LIPG: variants seen among roughly 807,000 people sequenced by gnomAD.
The protein encoded by LIPG is lipase G, endothelial type.
LIPG carries 34 observed loss-of-function variants against 51.8 expected under a neutral mutation model. That is an observed-to-expected ratio of 0.66 (90% CI 0.50 to 0.87). The LOEUF (loss-of-function observed/expected upper bound fraction) is 0.87, where lower values mean the gene tolerates loss of function less well. Ranked by LOEUF, LIPG falls within the 40% of genes least tolerant of loss-of-function variation. The pLI is 0.00. For missense variants in LIPG, 580 were observed against 652.7 expected (o/e 0.89, Z 1.21); for synonymous variants, 246 against 246.1 (o/e 1.00, Z 0.00).
chr18:49,566,401 G>A (rs1294852587), intron 2 of LIPG, among the ~76,000 whole-genome samples: 1 of 152,160 alleles, frequency 6.6e-6, no homozygotes, highest in Non-Finnish European at 1.5e-5. Flanking sequence ...CGACTTACAA[G>A]TAGGTTGCAT....
Position 49,592,708 on chromosome 18 carries a change from G to C in LIPG, c.*2186G>C, listed in dbSNP as rs1194091960. On this transcript the variant is annotated 3_prime_UTR_variant, in exon 10 of 10. Transcript: ENST00000261292. ...GGAAGCTTTGCAAATTGAATTCTCA[G>C]TGAGTTGTATATTTATACACCTGGC... 1 of 152,096 alleles carries C rather than the reference G, an allele frequency of 6.6e-6. No homozygotes were observed. The highest frequency in any genetic ancestry group is 1.5e-5 in the Non-Finnish European group (1 of 68,058). The allele number at this position is 152,096 out of a possible 1,614,324, so 9.4% of individuals were successfully genotyped here.
intron 3 of LIPG, among the ~76,000 whole-genome samples, chr18:49,568,953 A>T (rs1460268805): frequency 6.6e-6 from 1 of 152,116 alleles, no homozygotes; most frequent in African/African-American, 2.4e-5. Context: ...ACAGGGGACA[A>T]TGCGTCAAGT....
chr18:49,568,463 C>T (rs943731575), intron 3 of LIPG, among the ~76,000 whole-genome samples: 2 of 152,148 alleles, frequency 1.3e-5, no homozygotes, highest in Non-Finnish European at 2.9e-5. Context: ...TCACTGCAAC[C>T]TCTACCTCCT....
At chr18:49,564,626 A>G (rs1363405782) in intron 1 of LIPG, among the ~76,000 whole-genome samples, 1 of 152,222 alleles carries the variant, frequency 6.6e-6, no homozygotes, top group East Asian at 1.9e-4. Flanking sequence ...GGGGAAGCCT[A>G]TTTTCCAGCA....
chr18:49,589,188 C>A (rs2084915675), intron 9 of LIPG, among the ~76,000 whole-genome samples: 1 of 152,104 alleles, frequency 6.6e-6, no homozygotes, highest in South Asian at 2.1e-4. Flanking sequence ...TGTGATTAAC[C>A]ATTTGCCACC....
Position 49,565,614 on chromosome 18 carries a change from G to A in LIPG, c.279+116G>A, listed in dbSNP as rs754206171. 2.5e-6 allele frequency: 3 copies of A among 1,181,442 alleles called. No homozygotes were observed. The African/African-American group carries it at 4.5e-5, about 18-fold the overall frequency. The allele number at this position is 1,181,442 out of a possible 1,614,324, so 73.2% of individuals were successfully genotyped here. ...CCAAACCCTCTTCCCCCCTTTCCTT[G>A]TGGGCTGCTTGTATTTCAGACAGCT... is the stretch of plus-strand genomic sequence containing the variant. On this transcript the variant is annotated intron_variant, in intron 2 of 9. Transcript: ENST00000261292.
At chr18:49,586,716 C>A in intron 8 of LIPG, 30 bp from the exon 9 acceptor site, 1 of 1,502,160 alleles carries the variant, frequency 6.7e-7, no homozygotes, top group Non-Finnish European at 9.3e-7. Flanking sequence ...TAAAGTTCTG[C>A]CTACATCAGT....
At chr18:49,576,402 AATAAT>A (rs1384901169) in intron 5 of LIPG, among the ~76,000 whole-genome samples, 2 of 146,412 alleles carry the variant, frequency 1.4e-5, no homozygotes, top group African/African-American at 2.5e-5. Flanking sequence ...TTTTTCCTGT[AATAAT>A]ATATTATGGA....
intron 5 of LIPG, among the ~76,000 whole-genome samples, chr18:49,580,361 G>A (rs1052614947): frequency 6.6e-6 from 1 of 152,242 alleles, no homozygotes; most frequent in Non-Finnish European, 1.5e-5. Context: ...GCATCAGCTA[G>A]TAAATGTTTT....
Position 49,575,362 on chromosome 18 carries a change from G to C in LIPG, c.572-7G>C. The C allele has an allele frequency of 6.2e-7, 1 of 1,611,784 alleles. No individual in the cohort carries two copies. The highest frequency in any genetic ancestry group is 1.1e-5 in the South Asian group (1 of 90,982). On this transcript the variant is annotated splice_polypyrimidine_tract_variant and splice_region_variant and intron_variant, in intron 4 of 9. Coordinates refer to ENST00000261292, the MANE Select transcript of LIPG (RefSeq NM_006033.4). ...CACAGCTGTTTTGGGGCCTCCTTCT[G>C]CTGCAGGTTTGGATCCTGCCGGGCC...
Position 49,594,241 on chromosome 18 carries a change from T to A in LIPG, c.*3719T>A, listed in dbSNP as rs989312385. The A allele has an allele frequency of 6.6e-6, 1 of 152,244 alleles. No individual in the cohort carries two copies. Among genetic ancestry groups the A allele is most frequent in the South Asian group, 2.1e-4 (1 of 4,830 alleles). 9.4% of individuals were successfully genotyped at this position (152,244 alleles called of 1,614,324 possible). On this transcript the variant is annotated 3_prime_UTR_variant, in exon 10 of 10. Coordinates refer to ENST00000261292, the MANE Select transcript of LIPG (RefSeq NM_006033.4). Reference sequence around the variant, plus strand: ...CCTCCGCCTCCTGGGTTCAAGTGATTCTCCTGCCTCAGCCTCCCAAGTAGC... The same window carrying A: ...CCTCCGCCTCCTGGGTTCAAGTGATACTCCTGCCTCAGCCTCCCAAGTAGC...
intron 5 of LIPG, among the ~76,000 whole-genome samples, chr18:49,578,584 G>A (rs1478268882): frequency 1.2e-4 from 18 of 149,238 alleles, no homozygotes; most frequent in African/African-American, 4.0e-4. Context: ...GACGATGGGC[G>A]GCCAGGCGGA....
intron 1 of LIPG, among the ~76,000 whole-genome samples, chr18:49,563,627 A>AT: frequency 6.6e-6 from 1 of 151,344 alleles, no homozygotes; most frequent in South Asian, 2.1e-4. Context: ...AAGGTGGGGC[A>AT]TGTTGGTGGG....
At chr18:49,579,218 G>C (rs567925627) in intron 5 of LIPG, among the ~76,000 whole-genome samples, 35 of 111,996 alleles carry the variant, frequency 3.1e-4, no homozygotes, top group East Asian at 5.1e-4. Flanking sequence ...GAGAGGGAGA[G>C]GGAGAGGGAG....
At chr18:49,567,384 A>G (rs768483705) in intron 2 of LIPG, 58 bp from the exon 3 acceptor site, 4 of 1,551,972 alleles carry the variant, frequency 2.6e-6, no homozygotes, top group Non-Finnish European at 3.5e-6. Flanking sequence ...AAGGAATTCC[A>G]TATTTTTTAG....
In LIPG at chr18:49,577,013, T is replaced by TTTA. The variant is rs1162957908; in HGVS notation, c.793+1425_793+1426insATT. On this transcript the variant is annotated intron_variant, in intron 5 of 9. Coordinates refer to ENST00000261292, the MANE Select transcript of LIPG (RefSeq NM_006033.4). Reference sequence around the variant, plus strand: ...ATGGATACACTCTATTTTATTTTATTTTTTATTTATTTATTTTTTTTTTAT... The same window carrying TTTA: ...ATGGATACACTCTATTTTATTTTATTTTATTTTATTTATTTATTTTTTTTTTAT... 6.0e-3 allele frequency among the ~76,000 whole-genome samples: 910 copies of TTTA among 152,136 alleles called. 7 individuals are homozygous for TTTA. Among genetic ancestry groups the TTTA allele is most frequent in the African/African-American group, 0.02 (846 of 41,488 alleles).
At chr18:49,564,797 T>C (rs1339114370) in intron 1 of LIPG, among the ~76,000 whole-genome samples, 2 of 152,262 alleles carry the variant, frequency 1.3e-5, no homozygotes, top group East Asian at 3.8e-4. Flanking sequence ...TGGTTATCTT[T>C]ATATTTGCCC....
chr18:49,581,868 G>GTGA lies in LIPG; in HGVS notation c.1036+212_1036+213insGAT. The GTGA allele has an allele frequency of 1.3e-5, 8 of 630,274 alleles. No individual in the cohort carries two copies. In the South Asian group the frequency reaches 1.3e-4, roughly 11 times the overall value. The allele number at this position is 630,274 out of a possible 1,614,324, so 39.0% of individuals were successfully genotyped here. A position where few individuals can be genotyped will look rare whatever the true frequency, so the allele number is the denominator to read the frequency against. On this transcript the variant is annotated intron_variant, in intron 6 of 9. Transcript: ENST00000261292. ...GACCCCTTTTGTGATGTGGCTATCA[G>GTGA]TCCATGATCACAATATCAATATCTT...
intron 8 of LIPG, among the ~76,000 whole-genome samples, chr18:49,585,095 T>C (rs1331816903): frequency 6.6e-6 from 1 of 152,246 alleles, no homozygotes. Context: ...TGAGTCTCTC[T>C]CTTTCATCCA....
Sources: allele counts gnomAD v4.1 joint callset (sites outside exome capture counted in the v4.1 genomes callset), GRCh38; gene constraint gnomAD v4.1.1; transcripts MANE v1.5; gene names NCBI Gene and HGNC (gene_info 2026-07-23, HGNC 2026-07-21).